Variants in MGST1 observed in about 807,000 individuals in gnomAD.
MGST1 encodes the protein microsomal glutathione S-transferase 1, also known as glutathione S-transferase 12.
MGST1 carries 5 observed loss-of-function variants against 8.9 expected under a neutral mutation model. The ratio of observed to expected loss-of-function variants is 0.56; its 90% CI spans 0.29 to 1.19. The LOEUF (loss-of-function observed/expected upper bound fraction) is 1.19, where lower values mean the gene tolerates loss of function less well. MGST1 is among the 50% of genes most tolerant of loss of function. The pLI is 0.08. For missense variants in MGST1, 182 were observed against 187.4 expected, an observed-to-expected ratio of 0.97 and a Z score of 0.17; for synonymous variants, 54 against 67.8, an observed-to-expected ratio of 0.80 and a Z score of 1.00.
chr12:16,357,286 G>T (rs910719363), intron 2 of MGST1, among the ~76,000 whole-genome samples: 10 of 151,944 alleles, frequency 6.6e-5, no homozygotes, highest in Admixed American at 1.3e-4. Context: ...TTGAGGCAGG[G>T]TCTTGCTCTG....
chr12:16,439,157 G>A (rs1941016631), downstream of MGST1, among the ~76,000 whole-genome samples: 1 of 151,022 alleles, frequency 6.6e-6, no homozygotes, highest in Admixed American at 6.6e-5. Flanking sequence ...ATTCTGCTAT[G>A]ATTGCATAGA....
At chr12:16,474,833 T>TAGGTATTAA (rs1181759034) in intron 4 of MGST1, among the ~76,000 whole-genome samples, 1 of 152,182 alleles carries the variant, frequency 6.6e-6, no homozygotes, top group Non-Finnish European at 1.5e-5. Flanking sequence ...GTGTACTAAG[T>TAGGTATTAA]AGGTATTAAT....
At position 16,587,718 on chromosome 12, in the gene MGST1, A is replaced by G. The variant is rs1293873810; in HGVS notation, n.483-1810A>G. Among the ~76,000 whole-genome samples the G allele has an allele frequency of 1.3e-5, 2 of 151,796 alleles. No individual in the cohort carries two copies. Among genetic ancestry groups the G allele is most frequent in the East Asian group, 1.9e-4 (1 of 5,148 alleles). ...TTTTCACTACAGGAGACAAACAATG[A>G]TATGTATTACATGCAGTAAACACTG... On this transcript the variant is annotated intron_variant and non_coding_transcript_variant, in intron 4 of 4. Coordinates refer to the MGST1 transcript ENST00000538857. The surrounding 1 kb of genome is among the most constrained non-coding windows in gnomAD (Gnocchi z 4.3).
At chr12:16,440,974 G>C (rs1044736788), downstream of MGST1, among the ~76,000 whole-genome samples, 1 of 151,654 alleles carries the variant, frequency 6.6e-6, no homozygotes, top group South Asian at 2.1e-4. Context: ...AAATAATAAT[G>C]TTAGTAAATT....
chr12:16,408,227 G>T (rs983910128), intron 1 of MGST1, among the ~76,000 whole-genome samples: 3 of 151,846 alleles, frequency 2.0e-5, no homozygotes, highest in Admixed American at 2.0e-4. Flanking sequence ...GAGGTTGGAG[G>T]GTGGGAGGAG....
chr12:16,410,204 A>G lies in MGST1; in HGVS notation n.778+26600A>G, dbSNP rs1443096200. Among the ~76,000 whole-genome samples the G allele has an allele frequency of 6.6e-6, 1 of 152,182 alleles. No individual in the cohort carries two copies. Among genetic ancestry groups the G allele is most frequent in the East Asian group, 1.9e-4 (1 of 5,198 alleles). ...ACCGTCATTTCTCTTTAACTTGGAG[A>G]TTAGCCTATCTTGTCTGCTCTTTGA... On this transcript the variant is annotated intron_variant and non_coding_transcript_variant, in intron 1 of 1. Coordinates refer to the MGST1 transcript ENST00000359720. This position sits in a 1 kb window ranked among gnomAD's most constrained non-coding sequence, Gnocchi z 4.4.
At chr12:16,388,967 T>A (rs1352678131) in intron 1 of MGST1, among the ~76,000 whole-genome samples, 1 of 152,166 alleles carries the variant, frequency 6.6e-6, no homozygotes, top group African/African-American at 2.4e-5. Context: ...AAACCATGGA[T>A]GATCCCAGGA....
At position 16,513,236 on chromosome 12, in the gene MGST1, T is replaced by G. The variant is rs542327207; in HGVS notation, n.483-76292T>G. On this transcript the variant is annotated intron_variant and non_coding_transcript_variant, in intron 4 of 4. Transcript: ENST00000538857. This position sits in a 1 kb window ranked among gnomAD's most constrained non-coding sequence, Gnocchi z 4.2. ...TTCATGACTTCAGCTTTTCATGAACTCTACGGAATTCTCCCATAACTTATT... is the reference window on the plus strand; with the variant it reads ...TTCATGACTTCAGCTTTTCATGAACGCTACGGAATTCTCCCATAACTTATT... Among the ~76,000 whole-genome samples the G allele has an allele frequency of 6.6e-6, 1 of 152,354 alleles. No individual in the cohort carries two copies. Among genetic ancestry groups the G allele is most frequent in the Non-Finnish European group, 1.5e-5 (1 of 68,032 alleles).
At chr12:16,561,746 T>A (rs1942413526) in intron 4 of MGST1, among the ~76,000 whole-genome samples, 1 of 152,248 alleles carries the variant, frequency 6.6e-6, no homozygotes, top group Non-Finnish European at 1.5e-5. Context: ...ATGACAGTTG[T>A]TGGAAACAGT....
At position 16,461,180 on chromosome 12, in the gene MGST1, GAA is replaced by G. The variant is rs35831625; in HGVS notation, n.482+77588_482+77589del. 2.3e-4 allele frequency among the ~76,000 whole-genome samples: 33 copies of G among 145,758 alleles called. No homozygotes were observed. In the South Asian group the frequency reaches 3.2e-3, roughly 14 times the overall value. On this transcript the variant is annotated intron_variant and non_coding_transcript_variant, in intron 4 of 4. Coordinates refer to the MGST1 transcript ENST00000538857. ...GAATATTGGAAAAGAATGCCCAAAGGAAAAAAAAAAAAAGCACATCATAACAT... is the reference window on the plus strand; with the variant it reads ...GAATATTGGAAAAGAATGCCCAAAGGAAAAAAAAAAAGCACATCATAACAT...
chr12:16,575,659 G>C (rs550070175), intron 4 of MGST1, among the ~76,000 whole-genome samples: 1 of 152,236 alleles, frequency 6.6e-6, no homozygotes, highest in East Asian at 1.9e-4. Flanking sequence ...CACATAGATA[G>C]ATAATAGGAG....
At chr12:16,444,053 C>A (rs1941059529) in intron 4 of MGST1, among the ~76,000 whole-genome samples, 1 of 151,826 alleles carries the variant, frequency 6.6e-6, no homozygotes, top group Non-Finnish European at 1.5e-5. Flanking sequence ...GCCAGATTAG[C>A]CTTAGTGAGT....
intron 4 of MGST1, among the ~76,000 whole-genome samples, chr12:16,490,130 G>A (rs1190438627): frequency 6.6e-6 from 1 of 152,124 alleles, no homozygotes; most frequent in Non-Finnish European, 1.5e-5. Context: ...GGGCATGATA[G>A]CATGTGCCTA....
chr12:16,492,650 T>G (rs1156445479), intron 4 of MGST1, among the ~76,000 whole-genome samples: 3 of 152,170 alleles, frequency 2.0e-5, no homozygotes, highest in Non-Finnish European at 4.4e-5. Flanking sequence ...TGTCAGAGAC[T>G]GCTATCTGTT....
downstream of MGST1, among the ~76,000 whole-genome samples, chr12:16,440,840 A>G (rs10744124): frequency 0.64 from 96,515 of 151,614 alleles, 30,947 homozygotes; most frequent in East Asian, 0.81. Flanking sequence ...CTCAAAAGCT[A>G]AATATGAGAG....
chr12:16,494,222 G>A (rs1158668853), intron 4 of MGST1, among the ~76,000 whole-genome samples: 1 of 152,140 alleles, frequency 6.6e-6, no homozygotes, highest in Non-Finnish European at 1.5e-5. Flanking sequence ...ACATGCTTAT[G>A]AATGCAGAAT....
intron 4 of MGST1, among the ~76,000 whole-genome samples, chr12:16,538,819 A>G (rs191058477): frequency 6.6e-6 from 1 of 152,212 alleles, no homozygotes; most frequent in African/African-American, 2.4e-5. Context: ...TGTGTTAGCC[A>G]GGAGGGTATC....
intron 4 of MGST1, among the ~76,000 whole-genome samples, chr12:16,501,506 G>A (rs1008218962): frequency 3.9e-5 from 6 of 152,090 alleles, no homozygotes; most frequent in Non-Finnish European, 7.4e-5. Flanking sequence ...AAACCTATTT[G>A]GTGTAGAGAC....
chr12:16,372,742 G>A lies in MGST1; in HGVS notation c.222-3380G>A, dbSNP rs1591709446. Among the ~76,000 whole-genome samples the A allele has an allele frequency of 2.0e-5, 3 of 151,592 alleles. No homozygotes were observed. The South Asian group carries it at 6.2e-4, about 31-fold the overall frequency. On this transcript the variant is annotated intron_variant, in intron 3 of 3. Transcript: ENST00000535309. ...TATCTGTACTCTCACGTGTATTACA[G>A]CACTATTACCAATAGCCAAGATCAG... is the stretch of plus-strand genomic sequence containing the variant.
Sources: gnomAD v4.1 joint callset for allele counts (sites outside exome capture counted in the v4.1 genomes callset) on GRCh38, gnomAD v4.1.1 for gene constraint, Gnocchi (gnomAD v3.1) non-coding constraint, MANE v1.5 for transcripts, NCBI Gene and HGNC (gene_info 2026-07-23, HGNC 2026-07-21) for gene names.